Variants in ZNF407 observed in about 807,000 individuals in gnomAD.
The protein encoded by ZNF407 is zinc finger protein 407.
In ZNF407, 17 loss-of-function variants were observed where a neutral mutation model predicts 131.2. The observed-to-expected ratio is 0.13, with a 90% CI of 0.09 to 0.19. The LOEUF (loss-of-function observed/expected upper bound fraction) is 0.19, where lower values mean the gene tolerates loss of function less well. Ranked by LOEUF, ZNF407 falls within the 10% of genes least tolerant of loss-of-function variation. ZNF407 has a pLI of 1.00. For synonymous variants in ZNF407, 1,156 were observed against 1,062.0 expected, an observed-to-expected ratio of 1.09 and a Z score of -1.72; for missense variants, 2,681 against 2,830.6, an observed-to-expected ratio of 0.95 and a Z score of 1.20.
intron 6 of ZNF407, among the ~76,000 whole-genome samples, chr18:74,883,241 T>C (rs1354368468): frequency 6.6e-6 from 1 of 152,210 alleles, no homozygotes. Context: ...CCAAAGTCAG[T>C]TCTTAAGACT....
chr18:75,039,056 G>T (rs1973342579), intron 8 of ZNF407, among the ~76,000 whole-genome samples: 1 of 152,104 alleles, frequency 6.6e-6, no homozygotes, highest in Non-Finnish European at 1.5e-5. Flanking sequence ...CTAATTATTT[G>T]GAACAATTAT....
intron 4 of ZNF407, among the ~76,000 whole-genome samples, chr18:74,805,335 C>T (rs1970092897): frequency 6.6e-6 from 1 of 152,180 alleles, no homozygotes; most frequent in Non-Finnish European, 1.5e-5. Flanking sequence ...TTGAATTTCT[C>T]ATATATTGCG....
intron 8 of ZNF407, among the ~76,000 whole-genome samples, chr18:75,011,431 C>A (rs1972973198): frequency 6.6e-6 from 1 of 152,052 alleles, no homozygotes; most frequent in Non-Finnish European, 1.5e-5. Context: ...AGCAGACATA[C>A]CTTAGTTGAT....
chr18:74,931,896 T>C (rs1041107623), intron 8 of ZNF407, among the ~76,000 whole-genome samples: 14 of 152,244 alleles, frequency 9.2e-5, no homozygotes, highest in African/African-American at 2.7e-4. Context: ...ATTAGGTTGA[T>C]TTTTGAGATC....
At chr18:74,752,276 C>T (rs1435490079) in intron 3 of ZNF407, among the ~76,000 whole-genome samples, 1 of 151,994 alleles carries the variant, frequency 6.6e-6, no homozygotes, top group Admixed American at 6.6e-5. Context: ...GGATATTAGC[C>T]CTTTGTCAGA....
intron 4 of ZNF407, among the ~76,000 whole-genome samples, chr18:74,849,230 C>T (rs976832880): frequency 6.6e-6 from 1 of 151,740 alleles, no homozygotes; most frequent in Non-Finnish European, 1.5e-5. Flanking sequence ...AGGCGCCTGC[C>T]ACAACACCCA....
At chr18:74,767,333 G>A (rs561463049) in intron 3 of ZNF407, among the ~76,000 whole-genome samples, 1 of 152,250 alleles carries the variant, frequency 6.6e-6, no homozygotes, top group South Asian at 2.1e-4. Context: ...GATAACTTCT[G>A]CATCTCGCCA....
intron 3 of ZNF407, among the ~76,000 whole-genome samples, chr18:74,722,275 C>G (rs1172174670): frequency 6.6e-6 from 1 of 151,938 alleles, no homozygotes; most frequent in Non-Finnish European, 1.5e-5. Context: ...TTCCATAGGT[C>G]TCTCCGGCTC....
At chr18:74,832,886 A>G (rs780754696) in intron 4 of ZNF407, among the ~76,000 whole-genome samples, 7 of 152,122 alleles carry the variant, frequency 4.6e-5, no homozygotes, top group Non-Finnish European at 1.0e-4. Context: ...TTTTATTTTT[A>G]TTTCTATTGA....
rs187263734 is a variant in ZNF407, at chr18:74,723,553, T to C, written c.4803-57875T>C. 3.0e-4 allele frequency among the ~76,000 whole-genome samples: 46 copies of C among 152,322 alleles called. 1 individual carries two copies. In the East Asian group the frequency reaches 6.2e-3, roughly 20 times the overall value. On this transcript the variant is annotated intron_variant, in intron 3 of 8. Transcript: ENST00000299687. ...AGCTTTAATTGCCATCTGCCTTCTCTCTTCCTTGTTCCTACATGCTTTAGG... is the reference window on the plus strand; with the variant it reads ...AGCTTTAATTGCCATCTGCCTTCTCCCTTCCTTGTTCCTACATGCTTTAGG...
At position 74,635,806 on chromosome 18, in the gene ZNF407, C is replaced by G. The variant is rs571447603; in HGVS notation, c.4687+100C>G. The G allele has an allele frequency of 2.0e-6, 3 of 1,470,476 alleles. No individual in the cohort carries two copies. In the African/African-American group the frequency reaches 4.2e-5, roughly 21 times the overall value. 91.1% of individuals were successfully genotyped at this position (1,470,476 alleles called of 1,614,324 possible). A position where few individuals can be genotyped will look rare whatever the true frequency, so the allele number is the denominator to read the frequency against. On this transcript the variant is annotated intron_variant, in intron 2 of 8. Coordinates refer to ENST00000299687, the MANE Select transcript of ZNF407 (RefSeq NM_017757.3). This position sits in a 1 kb window ranked among gnomAD's most constrained non-coding sequence, Gnocchi z 4.7. ...CTGTGGCTGCTCATTGGCTTTCCAC[C>G]CGGTTCACATTTCACTGCCGTGTGC...
intron 3 of ZNF407, among the ~76,000 whole-genome samples, chr18:74,749,901 T>C (rs1342132024): frequency 6.6e-6 from 1 of 152,164 alleles, no homozygotes; most frequent in Non-Finnish European, 1.5e-5. Flanking sequence ...TTGGAAACTA[T>C]AAAAATTAGA....
At chr18:74,607,944 C>T (rs939705477) in intron 1 of ZNF407, among the ~76,000 whole-genome samples, 12 of 152,174 alleles carry the variant, frequency 7.9e-5, no homozygotes, top group Admixed American at 6.5e-5. Context: ...TTTATTCCAG[C>T]TTAATCCTTA....
chr18:74,773,016 T>C (rs563198089), intron 3 of ZNF407, among the ~76,000 whole-genome samples: 63 of 152,296 alleles, frequency 4.1e-4, no homozygotes, highest in African/African-American at 1.5e-3. Context: ...GGAACAATCA[T>C]GACTGAATGT....
intron 3 of ZNF407, among the ~76,000 whole-genome samples, chr18:74,713,738 A>G (rs1301181652): frequency 6.6e-6 from 1 of 152,218 alleles, no homozygotes; most frequent in Non-Finnish European, 1.5e-5. Flanking sequence ...AGAATAGCCT[A>G]TATTCCTTAC....
chr18:74,649,522 T>C (rs893804529), intron 3 of ZNF407, among the ~76,000 whole-genome samples: 9 of 152,232 alleles, frequency 5.9e-5, no homozygotes, highest in Non-Finnish European at 1.2e-4. Context: ...AAAATTGGAA[T>C]GTGTTTAAAT....
intron 7 of ZNF407, among the ~76,000 whole-genome samples, chr18:74,891,992 A>G (rs142107544): frequency 0.014 from 2,077 of 152,262 alleles, 19 homozygotes; most frequent in Non-Finnish European, 0.023. Context: ...TAGTCTTCAA[A>G]CTTTTATTTT....
chr18:74,764,790 C>A (rs944941559), intron 3 of ZNF407, among the ~76,000 whole-genome samples: 6 of 152,164 alleles, frequency 3.9e-5, no homozygotes, highest in African/African-American at 1.4e-4. Context: ...AGAAGCCTTA[C>A]TGATAACATA....
intron 7 of ZNF407, among the ~76,000 whole-genome samples, chr18:74,892,101 A>G (rs1216945160): frequency 6.6e-6 from 1 of 152,242 alleles, no homozygotes; most frequent in Admixed American, 6.5e-5. Context: ...AGATTTAATC[A>G]TTATAATCTA....
Sources: gnomAD v4.1 joint callset for allele counts (sites outside exome capture counted in the v4.1 genomes callset) on GRCh38, gnomAD v4.1.1 for gene constraint, Gnocchi (gnomAD v3.1) non-coding constraint, MANE v1.5 for transcripts, NCBI Gene and HGNC (gene_info 2026-07-23, HGNC 2026-07-21) for gene names.